TTC6: variants seen among roughly 807,000 people sequenced by gnomAD.
TTC6 encodes the protein tetratricopeptide repeat protein 6.
In TTC6, 172 loss-of-function variants were observed where a neutral mutation model predicts 210.4. The ratio of observed to expected loss-of-function variants is 0.82; its 90% CI spans 0.72 to 0.93. The LOEUF (loss-of-function observed/expected upper bound fraction) is 0.93, where lower values mean the gene tolerates loss of function less well. Among genes scored for constraint, TTC6 ranks in the 40% least tolerant of loss-of-function variants. The probability of loss-of-function intolerance (pLI) is 0.00; values close to 1 mark genes in which losing one functional copy is unlikely to be tolerated. For synonymous variants in TTC6, 804 were observed against 819.6 expected (o/e 0.98, Z 0.32); for missense variants, 2,414 against 2,318.1 (o/e 1.04, Z -0.85).
intron 2 of TTC6, among the ~76,000 whole-genome samples, chr14:37,607,892 A>G (rs1409333512): frequency 6.6e-6 from 1 of 152,242 alleles, no homozygotes; most frequent in Non-Finnish European, 1.5e-5. Flanking sequence ...ATCTAGCAGG[A>G]TGCCCTCAGA....
At chr14:37,776,264 T>C (rs1022002516) in intron 14 of TTC6, among the ~76,000 whole-genome samples, 2 of 152,256 alleles carry the variant, frequency 1.3e-5, no homozygotes, top group East Asian at 1.9e-4. Context: ...TGATTCTTTA[T>C]TCATCTTGCC....
chr14:37,716,158 A>C (rs949898293), intron 6 of TTC6, among the ~76,000 whole-genome samples: 9 of 152,100 alleles, frequency 5.9e-5, no homozygotes, highest in Non-Finnish European at 1.3e-4. Context: ...TATATTTATA[A>C]AATGTAATAC....
intron 5 of TTC6, among the ~76,000 whole-genome samples, chr14:37,712,289 G>A (rs1344324340): frequency 1.3e-5 from 2 of 152,182 alleles, no homozygotes; most frequent in East Asian, 3.9e-4. Flanking sequence ...AAGTAGAGCA[G>A]TGCTTCTAGA....
exon 11 of TTC6, chr14:37,749,255 G>T (rs1031786599): frequency 6.5e-7 from 1 of 1,526,944 alleles, no homozygotes; most frequent in Middle Eastern, 1.7e-4. Flanking sequence ...TCCACAAGAG[G>T]TCATTAAATA....
intron 29 of TTC6, among the ~76,000 whole-genome samples, chr14:37,832,841 C>T (rs1028666003): frequency 6.6e-5 from 10 of 151,874 alleles, no homozygotes; most frequent in Admixed American, 2.6e-4. Context: ...GGGCAGATCA[C>T]GAGGTCAAGA....
intron 20 of TTC6, among the ~76,000 whole-genome samples, chr14:37,801,016 A>T (rs2096105404): frequency 6.6e-6 from 1 of 152,200 alleles, no homozygotes; most frequent in Admixed American, 6.5e-5. Flanking sequence ...TTTGAAACCT[A>T]ATCAAGAGAC....
exon 1 of TTC6, chr14:37,622,412 C>G: frequency 6.5e-7 from 1 of 1,534,516 alleles, no homozygotes; most frequent in Non-Finnish European, 8.7e-7. Context: ...GGTCGTTTCG[C>G]CCCCGGGACT....
chr14:37,775,126 A>G (rs577598288), intron 14 of TTC6, among the ~76,000 whole-genome samples: 7 of 152,034 alleles, frequency 4.6e-5, no homozygotes, highest in African/African-American at 1.4e-4. Flanking sequence ...TTATTTTGTA[A>G]TTTATTAGCC....
chr14:37,699,439 A>T (rs549607262), intron 4 of TTC6, among the ~76,000 whole-genome samples: 1 of 152,364 alleles, frequency 6.6e-6, no homozygotes, highest in East Asian at 1.9e-4. Context: ...CTGACTCCAG[A>T]GTCTGTACTC....
At chr14:37,787,686 A>G in intron 15 of TTC6, 49 bp downstream of exon 17, 6 of 1,364,606 alleles carry the variant, frequency 4.4e-6, no homozygotes, top group Non-Finnish European at 5.7e-6. Context: ...CTGAGATTCA[A>G]CAGCTCAGTT....
intron 13 of TTC6, among the ~76,000 whole-genome samples, chr14:37,752,501 T>C (rs2095955238): frequency 1.6e-5 from 2 of 123,922 alleles, no homozygotes; most frequent in South Asian, 6.3e-4. Flanking sequence ...TGAGGTCAAA[T>C]TTTGAAATCT....
intron 2 of TTC6, among the ~76,000 whole-genome samples, chr14:37,680,471 G>A (rs1345018107): frequency 2.0e-5 from 3 of 152,200 alleles, no homozygotes; most frequent in Middle Eastern, 3.4e-3. Context: ...CTGAGCTAAG[G>A]CCCCAGACTC....
chr14:37,752,358 A>G (rs1284501453), intron 13 of TTC6, among the ~76,000 whole-genome samples: 1 of 151,918 alleles, frequency 6.6e-6, no homozygotes, highest in Non-Finnish European at 1.5e-5. Flanking sequence ...GGAGAATATT[A>G]TATATTTTGT....
At chr14:37,624,710 C>G in intron 1 of TTC6, among the ~76,000 whole-genome samples, 1 of 152,128 alleles carries the variant, frequency 6.6e-6, no homozygotes, top group East Asian at 1.9e-4. Context: ...CCACCTTCAC[C>G]TCCTGGGTTC....
chr14:37,695,616 G>A (rs1291535956), intron 3 of TTC6, among the ~76,000 whole-genome samples: 1 of 152,136 alleles, frequency 6.6e-6, no homozygotes, highest in Non-Finnish European at 1.5e-5. Flanking sequence ...GCCTCCCAAA[G>A]TGCTGGGATT....
intron 7 of TTC6, among the ~76,000 whole-genome samples, chr14:37,726,917 C>T (rs896328353): frequency 3.3e-5 from 5 of 151,838 alleles, no homozygotes; most frequent in Admixed American, 2.6e-4. Context: ...GCATCATTTT[C>T]TTTTTCCTTT....
At chr14:37,706,914 G>A (rs1170794964) in intron 5 of TTC6, among the ~76,000 whole-genome samples, 1 of 151,694 alleles carries the variant, frequency 6.6e-6, no homozygotes, top group Admixed American at 6.6e-5. Flanking sequence ...TTTCTGATAG[G>A]TTTTTTTCTA....
chr14:37,729,496 G>A (rs1354038125), intron 7 of TTC6, among the ~76,000 whole-genome samples: 1 of 152,142 alleles, frequency 6.6e-6, no homozygotes, highest in East Asian at 1.9e-4. Context: ...TCCCAGCCAG[G>A]GACTGAGCAC....
At chr14:37,631,459 T>C (rs1030403989) in intron 1 of TTC6, among the ~76,000 whole-genome samples, 2 of 152,224 alleles carry the variant, frequency 1.3e-5, no homozygotes, top group African/African-American at 2.4e-5. Context: ...TTCTGGCTTG[T>C]AGGGTTTCTG....
Sources: allele counts gnomAD v4.1 joint callset (sites outside exome capture counted in the v4.1 genomes callset), GRCh38; gene constraint gnomAD v4.1.1; transcripts MANE v1.5; gene names NCBI Gene and HGNC (gene_info 2026-07-23, HGNC 2026-07-21).